Variants in PPRC1 observed in about 807,000 individuals in gnomAD.
PPRC1 encodes peroxisome proliferator-activated receptor gamma coactivator-related protein 1.
In PPRC1, 23 loss-of-function variants were observed where a neutral mutation model predicts 132.5. The observed-to-expected ratio is 0.17, with a 90% CI of 0.12 to 0.25. The LOEUF (loss-of-function observed/expected upper bound fraction) is 0.25, where lower values mean the gene tolerates loss of function less well. Ranked by LOEUF, PPRC1 falls within the 10% of genes least tolerant of loss-of-function variation. The pLI, the probability that PPRC1 is intolerant of heterozygous loss-of-function variation, is 1.00. For missense variants in PPRC1, 2,006 were observed against 2,089.1 expected (o/e 0.96, Z 0.78); for synonymous variants, 872 against 833.5 (o/e 1.05, Z -0.80).
In PPRC1 at chr10:102,148,429, ATCT is replaced by A. The variant is rs1564958905; in HGVS notation, c.4461_4463del (p.Ser1499del). The A allele has an allele frequency of 1.2e-6, 2 of 1,611,756 alleles. No individual in the cohort carries two copies. Among genetic ancestry groups the A allele is most frequent in the Non-Finnish European group, 1.7e-6 (2 of 1,178,014 alleles). On this transcript the variant is annotated inframe_deletion, in exon 10 of 14. Coordinates refer to ENST00000278070, the MANE Select transcript of PPRC1 (RefSeq NM_015062.5). This position sits in a 1 kb window ranked among gnomAD's most constrained non-coding sequence, Gnocchi z 4.2. ...GATGCTCTTCCTCTTCTTCGTCATC[ATCT>A]TCCTCTTCGTCTTCCTCATCCTCAT...
intron 5 of PPRC1, among the ~76,000 whole-genome samples, chr10:102,142,259 C>T (rs967892665): frequency 8.6e-5 from 13 of 151,050 alleles, no homozygotes; most frequent in African/African-American, 1.7e-4. Flanking sequence ...CCCGCCACCA[C>T]GTCTGGCTAA....
At chr10:102,136,971 C>T (rs1001245077) in intron 1 of PPRC1, among the ~76,000 whole-genome samples, 3 of 152,224 alleles carry the variant, frequency 2.0e-5, no homozygotes, top group Admixed American at 6.5e-5. Context: ...TTGCTCTCAT[C>T]TGGTAGGAGT....
At chr10:102,145,682 G>T (rs535430879) in intron 8 of PPRC1, among the ~76,000 whole-genome samples, 1 of 151,552 alleles carries the variant, frequency 6.6e-6, no homozygotes, top group African/African-American at 2.4e-5. Flanking sequence ...GGCTAACATG[G>T]TGAAACCCCA....
At chr10:102,146,428 A>C (rs1199685058) in intron 8 of PPRC1, among the ~76,000 whole-genome samples, 2 of 152,052 alleles carry the variant, frequency 1.3e-5, no homozygotes, top group African/African-American at 4.8e-5. Context: ...CCTGGCTACT[A>C]GGTTTGGGTA....
At chr10:102,145,740 C>G (rs867880860) in intron 8 of PPRC1, among the ~76,000 whole-genome samples, 1 of 151,966 alleles carries the variant, frequency 6.6e-6, no homozygotes, top group Middle Eastern at 3.4e-3. Context: ...TGGCGGGTGC[C>G]TGTAGTCCCA....
the PPRC1 span, among the ~76,000 whole-genome samples, chr10:102,124,679 G>T: frequency 0.013 from 1,840 of 136,528 alleles, 19 homozygotes; most frequent in Middle Eastern, 0.068. Flanking sequence ...ATCTTGCTCT[G>T]TCACCCAGGC....
At chr10:102,123,934 G>A in the PPRC1 span, among the ~76,000 whole-genome samples, 3 of 142,788 alleles carry the variant, frequency 2.1e-5, no homozygotes, top group Admixed American at 1.5e-4. Flanking sequence ...TCTGCCTCCC[G>A]GTTTCAAGTG....
chr10:102,147,946 CCT>C (rs1405057084), intron 9 of PPRC1, among the ~76,000 whole-genome samples: 3 of 152,080 alleles, frequency 2.0e-5, no homozygotes, highest in Non-Finnish European at 4.4e-5. Context: ...TAGCAGTTAA[CCT>C]CTCTCATGGT....
upstream of PPRC1, among the ~76,000 whole-genome samples, chr10:102,130,477 C>T (rs961418510): frequency 1.2e-4 from 18 of 150,152 alleles, no homozygotes; most frequent in East Asian, 3.9e-4. Context: ...GGCTCACGCC[C>T]GTAATCCCAG....
At position 102,140,692 on chromosome 10, in the gene PPRC1, GGTT is replaced by G; in HGVS notation, c.2187_2189del (p.Val730del). On this transcript the variant is annotated inframe_deletion, in exon 5 of 14. Coordinates refer to ENST00000278070, the MANE Select transcript of PPRC1 (RefSeq NM_015062.5). Reference sequence around the variant, plus strand: ...AGACCATCATCCCTGAAGTCAAAGAGGTTGTGGATTCTCTGAAAATTGAAAGTG... The same window carrying G: ...AGACCATCATCCCTGAAGTCAAAGAGGTGGATTCTCTGAAAATTGAAAGTG... 6.2e-7 allele frequency: 1 copy of G among 1,614,082 alleles called. No homozygotes were observed. Among genetic ancestry groups the G allele is most frequent in the Non-Finnish European group, 8.5e-7 (1 of 1,180,026 alleles).
At chr10:102,136,734 T>C (rs1397308726) in intron 1 of PPRC1, among the ~76,000 whole-genome samples, 1 of 152,216 alleles carries the variant, frequency 6.6e-6, no homozygotes, top group Admixed American at 6.5e-5. Flanking sequence ...ACTGGGGATC[T>C]TGGAATGTAT....
chr10:102,131,185 C>G (rs1426283932), upstream of PPRC1, among the ~76,000 whole-genome samples: 1 of 144,130 alleles, frequency 6.9e-6, no homozygotes, highest in African/African-American at 2.6e-5. Flanking sequence ...CAGAGTGACA[C>G]TCCATCTCAA....
chr10:102,137,726 A>G, intron 1 of PPRC1, 124 bp from the exon 2 acceptor site: 1 of 873,876 alleles, frequency 1.1e-6, no homozygotes, highest in Non-Finnish European at 1.7e-6. Context: ...CTAGCCCAGA[A>G]GTTTGGCGAC....
chr10:102,121,840 T>A, the PPRC1 span, among the ~76,000 whole-genome samples: 1 of 152,152 alleles, frequency 6.6e-6, no homozygotes, highest in Non-Finnish European at 1.5e-5. Flanking sequence ...GTTCCCTCAC[T>A]CTGGCTCAGA....
chr10:102,149,157 G>A (rs2069404104), intron 12 of PPRC1, 21 bp from the exon 13 acceptor site: 1 of 1,564,188 alleles, frequency 6.4e-7, no homozygotes, highest in Non-Finnish European at 8.7e-7. Flanking sequence ...TCCAGCCCCT[G>A]CCTCACTCTC....
chr10:102,123,447 C>T, the PPRC1 span, among the ~76,000 whole-genome samples: 11 of 152,262 alleles, frequency 7.2e-5, no homozygotes, highest in African/African-American at 2.2e-4. Flanking sequence ...GGAGGCTTAG[C>T]TGATTTGTAT....
At position 102,148,968 on chromosome 10, in the gene PPRC1, CTT is replaced by C; in HGVS notation, c.4739+32_4739+33del. On this transcript the variant is annotated intron_variant, in intron 12 of 13. Coordinates refer to ENST00000278070, the MANE Select transcript of PPRC1 (RefSeq NM_015062.5). This position sits in a 1 kb window ranked among gnomAD's most constrained non-coding sequence, Gnocchi z 4.2. Reference sequence around the variant, plus strand: ...GCTTGGGCCCCAGGCTCAGGATGTTCTTTCTATCCCATTCATCTACCTTGGTG... The same window carrying C: ...GCTTGGGCCCCAGGCTCAGGATGTTCTCTATCCCATTCATCTACCTTGGTG... The C allele has an allele frequency of 6.2e-7, 1 of 1,610,346 alleles. No individual in the cohort carries two copies. The highest frequency in any genetic ancestry group is 8.5e-7 in the Non-Finnish European group (1 of 1,178,436).
Position 102,141,129 on chromosome 10 carries a change from C to A in PPRC1, c.2621C>A (p.Ser874Ter). ...TCCCCTGCTGTGCCCACACCTCCCT[C>A]GATGTCTGCTGCCCTGCCTTTCCCT... ...SVSPAVPTPP[S>*]MSAALPFPAG... The change falls in exon 5 of 14, where the codon TCG (serine) becomes TAG (stop). Residue 874 changes from serine to a stop codon, truncating the protein, a stop_gained. Coordinates refer to ENST00000278070, the MANE Select transcript of PPRC1 (RefSeq NM_015062.5). LOFTEE classifies it high-confidence loss of function. 6.2e-7 allele frequency: 1 copy of A among 1,613,980 alleles called. No homozygotes were observed. The highest frequency in any genetic ancestry group is 8.5e-7 in the Non-Finnish European group (1 of 1,179,948).
At chr10:102,145,222 C>A in intron 8 of PPRC1, 132 bp downstream of exon 8, 1 of 835,160 alleles carries the variant, frequency 1.2e-6, no homozygotes, top group Non-Finnish European at 1.8e-6. Context: ...TACTCACAGT[C>A]TAGGGGGCAG....
Sources: allele counts gnomAD v4.1 joint callset (sites outside exome capture counted in the v4.1 genomes callset), GRCh38; gene constraint gnomAD v4.1.1; non-coding constraint Gnocchi (gnomAD v3.1); transcripts MANE v1.5; gene names NCBI Gene and HGNC (gene_info 2026-07-23, HGNC 2026-07-21).